The following KAZN variants were observed in gnomAD, a reference collection of about 807,000 sequenced individuals.
The protein encoded by KAZN is kazrin.
KAZN carries 40 observed loss-of-function variants against 87.4 expected under a neutral mutation model. The ratio of observed to expected loss-of-function variants is 0.46; its 90% confidence interval spans 0.36 to 0.60. The LOEUF is 0.60. Among genes scored for constraint, KAZN ranks in the 20% least tolerant of loss-of-function variants. KAZN has a pLI of 0.00. For missense variants in KAZN, 898 were observed against 1,073.9 expected (o/e 0.84, Z 2.29); for synonymous variants, 466 against 458.3 (o/e 1.02, Z -0.22).
chr1:14,883,205 G>A lies in KAZN; in HGVS notation c.227-77479G>A, dbSNP rs1653527530. ...AGTTACTCAGGAGGCTGAGGCAGGA[G>A]AATCACTTGAACCCAGGAGGCGGAG... is the stretch of plus-strand genomic sequence containing the variant. On this transcript the variant is annotated intron_variant, in intron 1 of 14. Coordinates refer to ENST00000376030, the MANE Select transcript of KAZN (RefSeq NM_201628.3). Among the ~76,000 whole-genome samples, 3 of 151,296 alleles carry A rather than the reference G, an allele frequency of 2.0e-5. No homozygotes were observed. The South Asian group carries it at 6.3e-4, about 32-fold the overall frequency.
intron 2 of KAZN, among the ~76,000 whole-genome samples, chr1:14,268,009 T>C (rs1651629541): frequency 6.6e-6 from 1 of 152,176 alleles, no homozygotes; most frequent in African/African-American, 2.4e-5. Context: ...CTCAAGTTTA[T>C]TTTGATTCTG....
At chr1:14,858,203 C>CTTTTT (rs1388659468) in intron 1 of KAZN, among the ~76,000 whole-genome samples, 2 of 95,102 alleles carry the variant, frequency 2.1e-5, no homozygotes, top group African/African-American at 5.3e-5. Flanking sequence ...TTTCTTTTTT[C>CTTTTT]TTTTTCTTTT....
chr1:14,088,288 G>A (rs571887820), intron 1 of KAZN, among the ~76,000 whole-genome samples: 2 of 151,706 alleles, frequency 1.3e-5, no homozygotes, highest in South Asian at 4.2e-4. Context: ...AAATTTCCCT[G>A]TAAGCATTAC....
At chr1:14,178,403 G>A (rs1187366510) in intron 1 of KAZN, among the ~76,000 whole-genome samples, 1 of 151,982 alleles carries the variant, frequency 6.6e-6, no homozygotes, top group Non-Finnish European at 1.5e-5. Context: ...ACTAATTTTG[G>A]ATAGTTTTAT....
At chr1:14,739,354 A>G (rs1013346786) in intron 1 of KAZN, among the ~76,000 whole-genome samples, 1 of 152,036 alleles carries the variant, frequency 6.6e-6, no homozygotes, top group African/African-American at 2.4e-5. Flanking sequence ...TCTGGCTGCT[A>G]CCCCATACCC....
intron 8 of KAZN, among the ~76,000 whole-genome samples, chr1:15,079,899 T>C (rs1639917843): frequency 6.6e-6 from 1 of 152,254 alleles, no homozygotes; most frequent in Non-Finnish European, 1.5e-5. Context: ...GCTTTTGATG[T>C]ATAGATATAT....
At position 14,598,932 on chromosome 1, in the gene KAZN, C is replaced by T. The variant is rs759897959; in HGVS notation, c.-66C>T. The T allele has an allele frequency of 6.4e-7, 1 of 1,554,524 alleles. No homozygotes were observed. Among genetic ancestry groups the T allele is most frequent in the Non-Finnish European group, 8.7e-7 (1 of 1,155,022 alleles). On this transcript the variant is annotated 5_prime_UTR_variant, in exon 1 of 15. Transcript: ENST00000376030. The surrounding 1 kb of genome is among the most constrained non-coding windows in gnomAD (Gnocchi z 4.2). The stretch of plus-strand genomic sequence containing the variant: ...ACAGGTAGAGCCGGGGGTGCCCGGC[C>T]GCGCGCCCCCCGCGCATCATGCAGC...
intron 2 of KAZN, among the ~76,000 whole-genome samples, chr1:14,412,104 C>T (rs1664352885): frequency 6.6e-6 from 1 of 151,940 alleles, no homozygotes. Flanking sequence ...CTCAGGGGGT[C>T]ATAGGAAAGA....
chr1:14,726,964 C>T (rs1363419364), intron 1 of KAZN, among the ~76,000 whole-genome samples: 2 of 152,166 alleles, frequency 1.3e-5, no homozygotes, highest in African/African-American at 4.8e-5. Flanking sequence ...TGTGGTGATG[C>T]CAACACTCAG....
intron 2 of KAZN, among the ~76,000 whole-genome samples, chr1:14,540,424 A>G (rs966296542): frequency 1.3e-5 from 2 of 152,194 alleles, no homozygotes; most frequent in African/African-American, 4.8e-5. Context: ...TCCCTTGTTT[A>G]TGGACTGTAA....
At chr1:14,666,027 A>G (rs987777906) in intron 1 of KAZN, among the ~76,000 whole-genome samples, 2 of 151,874 alleles carry the variant, frequency 1.3e-5, no homozygotes, top group Non-Finnish European at 1.5e-5. Flanking sequence ...CAGCCATCTC[A>G]TCCTTGGAAT....
chr1:13,981,089 T>TTATATATATATATATATA lies in KAZN; in HGVS notation c.91+87337_91+87354dup, dbSNP rs1205017791. Among the ~76,000 whole-genome samples, 44 of 63,130 alleles carry TTATATATATATATATATA rather than the reference T, an allele frequency of 7.0e-4. 2 individuals are homozygous for TTATATATATATATATATA. The highest frequency in any genetic ancestry group is 2.3e-3 in the African/African-American group (40 of 17,228). 41.4% of individuals were successfully genotyped at this position (63,130 alleles called of 152,430 possible). ...TTGGAGAGGTATAAAAAATTACTCTTTATATATATATATATATATATGTAT... is the reference window on the plus strand; with the variant it reads ...TTGGAGAGGTATAAAAAATTACTCTTTATATATATATATATATATATATATATATATATATATATGTAT... On this transcript the variant is annotated intron_variant, in intron 1 of 16. Transcript: ENST00000636203.
intron 2 of KAZN, among the ~76,000 whole-genome samples, chr1:14,420,504 G>C (rs1429216692): frequency 6.6e-6 from 1 of 152,166 alleles, no homozygotes; most frequent in African/African-American, 2.4e-5. Flanking sequence ...CTCAGCCCTT[G>C]GTCCTCAGCC....
intron 2 of KAZN, among the ~76,000 whole-genome samples, chr1:14,473,056 C>T (rs1668537810): frequency 6.6e-6 from 1 of 151,972 alleles, no homozygotes; most frequent in Admixed American, 6.6e-5. Flanking sequence ...CATTAATTAC[C>T]AGTTCAAATT....
intron 1 of KAZN, among the ~76,000 whole-genome samples, chr1:14,681,614 TATATA>T: frequency 1.5e-4 from 1 of 6,590 alleles, no homozygotes; most frequent in African/African-American, 5.2e-4. Context: ...TGTATATGTG[TATATA>T]TATATATATA....
chr1:14,387,528 A>C (rs1264389224), intron 2 of KAZN, among the ~76,000 whole-genome samples: 1 of 152,024 alleles, frequency 6.6e-6, no homozygotes, highest in African/African-American at 2.4e-5. Context: ...TTTTCCTTCT[A>C]ACAGACAGGA....
chr1:14,960,225 A>C (rs1663676528), intron 1 of KAZN, among the ~76,000 whole-genome samples: 1 of 152,124 alleles, frequency 6.6e-6, no homozygotes. Flanking sequence ...CTATGTACTA[A>C]CTTTATGACC....
chr1:14,844,949 A>AGT (rs1648528450), intron 1 of KAZN, among the ~76,000 whole-genome samples: 1 of 151,830 alleles, frequency 6.6e-6, no homozygotes, highest in South Asian at 2.1e-4. Flanking sequence ...TGTATAAATG[A>AGT]GTGGTTAATG....
rs541208871 is a variant in KAZN at position 14,588,189 on chromosome 1, A to G, written c.250-10794A>G. Among the ~76,000 whole-genome samples, 3 of 152,272 alleles carry G rather than the reference A, an allele frequency of 2.0e-5. No homozygotes were observed. In the East Asian group the frequency reaches 5.8e-4, roughly 29 times the overall value. ...CGGGTGTGGTGTAAGAATCATTGCCACTTCTCATTTTCATAGCACCCCTTC... is the reference window on the plus strand; with the variant it reads ...CGGGTGTGGTGTAAGAATCATTGCCGCTTCTCATTTTCATAGCACCCCTTC... On this transcript the variant is annotated intron_variant, in intron 2 of 16. Coordinates refer to the KAZN transcript ENST00000636203.
Sources: allele counts gnomAD v4.1 joint callset (sites outside exome capture counted in the v4.1 genomes callset), GRCh38; gene constraint gnomAD v4.1.1; non-coding constraint Gnocchi (gnomAD v3.1); transcripts MANE v1.5; gene names NCBI Gene and HGNC (gene_info 2026-07-23, HGNC 2026-07-21).